Variants in NTM observed in about 807,000 individuals in gnomAD.
The protein encoded by NTM is IgLON family member 2.
In NTM, 13 loss-of-function variants were observed where a neutral mutation model predicts 42.1. That is an observed-to-expected ratio of 0.31 (90% CI 0.20 to 0.49). NTM has a LOEUF of 0.49. Among genes scored for constraint, NTM ranks in the 20% least tolerant of loss-of-function variants. The pLI is 0.99. For missense variants in NTM, 373 were observed against 452.8 expected (o/e 0.82, Z 1.60); for synonymous variants, 187 against 179.2 (o/e 1.04, Z -0.35).
chr11:132,217,270 G>A (rs1177835164), intron 4 of NTM, among the ~76,000 whole-genome samples: 8 of 151,578 alleles, frequency 5.3e-5, no homozygotes, highest in Non-Finnish European at 1.0e-4. Flanking sequence ...AAAGAAAAAG[G>A]AAAAGAAAGA....
At chr11:131,379,266 C>T (rs992235970) in intron 1 of NTM, among the ~76,000 whole-genome samples, 2 of 152,192 alleles carry the variant, frequency 1.3e-5, no homozygotes, top group Non-Finnish European at 2.9e-5. Context: ...GCCTCTATCT[C>T]CAGTGATAGG....
intron 1 of NTM, among the ~76,000 whole-genome samples, chr11:131,522,912 C>T (rs385382): frequency 0.19 from 28,961 of 152,130 alleles, 2,871 homozygotes; most frequent in Middle Eastern, 0.25. Context: ...CCAGAGGTGA[C>T]GACCAAGCAT....
intron 7 of NTM, chr11:132,317,718 G>T: frequency 1.5e-6 from 2 of 1,291,506 alleles, no homozygotes; most frequent in Non-Finnish European, 2.0e-6. Flanking sequence ...TTTATGTTTT[G>T]TCTCCCCTTC....
chr11:131,410,957 G>A (rs906120828), intron 1 of NTM, among the ~76,000 whole-genome samples: 1 of 152,126 alleles, frequency 6.6e-6, no homozygotes, highest in African/African-American at 2.4e-5. Context: ...AAACACTACA[G>A]CGTTGGTTAA....
intron 2 of NTM, among the ~76,000 whole-genome samples, chr11:132,022,258 G>T (rs114914516): frequency 2.6e-5 from 4 of 152,266 alleles, no homozygotes; most frequent in East Asian, 1.9e-4. Context: ...TTAAGATTTC[G>T]TTCAATTACC....
At chr11:131,783,646 A>G (rs950909756) in intron 1 of NTM, among the ~76,000 whole-genome samples, 11 of 152,158 alleles carry the variant, frequency 7.2e-5, no homozygotes, top group Non-Finnish European at 1.5e-4. Context: ...TCAACTCAAA[A>G]TGAACCACAG....
chr11:132,261,574 A>C (rs201919934), intron 4 of NTM, among the ~76,000 whole-genome samples: 1 of 152,224 alleles, frequency 6.6e-6, no homozygotes, highest in Non-Finnish European at 1.5e-5. Flanking sequence ...CAGACTGCCC[A>C]TGTTCCAGAC....
chr11:132,000,189 C>T (rs2068917367), intron 2 of NTM, among the ~76,000 whole-genome samples: 1 of 152,158 alleles, frequency 6.6e-6, no homozygotes, highest in Admixed American at 6.5e-5. Flanking sequence ...CCCTGCCTTT[C>T]CCATTGTCTT....
At chr11:132,258,845 A>G (rs1342453994) in intron 4 of NTM, among the ~76,000 whole-genome samples, 3 of 152,230 alleles carry the variant, frequency 2.0e-5, no homozygotes, top group African/African-American at 7.2e-5. Flanking sequence ...CACCTGTAAG[A>G]TAGTGACAGA....
At chr11:131,631,642 C>T (rs1038617650) in intron 1 of NTM, among the ~76,000 whole-genome samples, 1 of 152,222 alleles carries the variant, frequency 6.6e-6, no homozygotes, top group Non-Finnish European at 1.5e-5. Flanking sequence ...CATTCACTTT[C>T]ATTTCTACAA....
chr11:132,311,810 A>C (rs1188796731), intron 6 of NTM, among the ~76,000 whole-genome samples: 1 of 152,192 alleles, frequency 6.6e-6, no homozygotes, highest in African/African-American at 2.4e-5. Context: ...AATAAAGCAA[A>C]AGTGGCCAAT....
rs1425536720 is a variant in NTM, at chr11:131,430,037, TG to T, written c.82+59150del. Among the ~76,000 whole-genome samples the T allele has an allele frequency of 2.0e-5, 3 of 152,186 alleles. No individual in the cohort carries two copies. The East Asian group carries it at 5.8e-4, about 29-fold the overall frequency. On this transcript the variant is annotated intron_variant, in intron 1 of 8. Coordinates refer to ENST00000683400, the MANE Select transcript of NTM (RefSeq NM_001352005.2). ...ACTTAAGTTTTGCTCCAAAGCTATTTGCTGGCCTTTACTCATTCATTAAATA... is the reference window on the plus strand; with the variant it reads ...ACTTAAGTTTTGCTCCAAAGCTATTTCTGGCCTTTACTCATTCATTAAATA...
chr11:131,842,075 C>T (rs961044928), intron 1 of NTM, among the ~76,000 whole-genome samples: 1 of 152,154 alleles, frequency 6.6e-6, no homozygotes, highest in Non-Finnish European at 1.5e-5. Flanking sequence ...ACCACATGAG[C>T]GAGCAGCACC....
At chr11:131,524,957 A>G (rs11825937) in intron 1 of NTM, among the ~76,000 whole-genome samples, 27,121 of 152,200 alleles carry the variant, frequency 0.18, 2,464 homozygotes, top group Middle Eastern at 0.23. Context: ...GTGAGAGCAC[A>G]CATGCACCTG....
intron 4 of NTM, among the ~76,000 whole-genome samples, chr11:132,241,381 G>T (rs764280617): frequency 3.3e-5 from 5 of 152,050 alleles, no homozygotes; most frequent in Non-Finnish European, 7.4e-5. Flanking sequence ...CAATTTAACC[G>T]TTTTTACTGA....
At chr11:132,147,409 T>G (rs1216497038) in intron 3 of NTM, among the ~76,000 whole-genome samples, 1 of 152,042 alleles carries the variant, frequency 6.6e-6, no homozygotes, top group African/African-American at 2.4e-5. Flanking sequence ...TGTGAGACCT[T>G]AATCAAGTTA....
At chr11:131,727,181 T>A (rs1393424431) in intron 1 of NTM, among the ~76,000 whole-genome samples, 1 of 151,686 alleles carries the variant, frequency 6.6e-6, no homozygotes, top group Non-Finnish European at 1.5e-5. Flanking sequence ...AAAGCAGAGT[T>A]CTGTTAGGAA....
At chr11:132,207,976 T>G (rs1200408894) in intron 3 of NTM, among the ~76,000 whole-genome samples, 1 of 152,196 alleles carries the variant, frequency 6.6e-6, no homozygotes, top group Non-Finnish European at 1.5e-5. Flanking sequence ...AAAAGGATGG[T>G]ATCTTATTTA....
At chr11:132,276,027 C>G (rs554999641) in intron 4 of NTM, among the ~76,000 whole-genome samples, 31 of 151,800 alleles carry the variant, frequency 2.0e-4, no homozygotes, top group Non-Finnish European at 3.4e-4. Context: ...AACGACTGTT[C>G]TACTGTTTCT....
Sources: allele counts gnomAD v4.1 joint callset (sites outside exome capture counted in the v4.1 genomes callset), GRCh38; gene constraint gnomAD v4.1.1; transcripts MANE v1.5; gene names NCBI Gene and HGNC (gene_info 2026-07-23, HGNC 2026-07-21).